The following BLTP3A variants were observed in gnomAD, a reference collection of about 807,000 sequenced individuals.
BLTP3A encodes ICBP90 binding protein 1.
the BLTP3A span, among the ~76,000 whole-genome samples, chr6:34,827,886 C>T: frequency 6.6e-6 from 1 of 152,148 alleles, no homozygotes; most frequent in Admixed American, 6.6e-5. Flanking sequence ...CCCGCCTTGG[C>T]CTCCCAAAGT....
chr6:34,871,023 G>A, the BLTP3A span: 18 of 1,614,082 alleles, frequency 1.1e-5, no homozygotes, highest in African/African-American at 2.4e-4. Flanking sequence ...TCACTTCAGT[G>A]CTCAGTGGCC....
chr6:34,859,508 T>G, the BLTP3A span: 1 of 1,614,130 alleles, frequency 6.2e-7, no homozygotes, highest in Non-Finnish European at 8.5e-7. Flanking sequence ...AAGGATGCCT[T>G]CAGTTTGGGC....
At chr6:34,856,310 G>A in the BLTP3A span, 36 of 1,614,050 alleles carry the variant, frequency 2.2e-5, no homozygotes, top group East Asian at 4.5e-5. Flanking sequence ...CCAGAAGCTG[G>A]TGATGGAATT....
At chr6:34,871,170 G>A in the BLTP3A span, 3 of 1,558,982 alleles carry the variant, frequency 1.9e-6, no homozygotes, top group Admixed American at 3.8e-5. Context: ...TTTTTGCCCT[G>A]GACTTTGTCA....
chr6:34,857,240 G>A, the BLTP3A span: 1 of 1,468,678 alleles, frequency 6.8e-7, no homozygotes, highest in Non-Finnish European at 9.3e-7. Context: ...ACTTCAGAGG[G>A]ATGGTAGAGG....
the BLTP3A span, chr6:34,870,954 C>G: frequency 3.9e-5 from 63 of 1,614,166 alleles, no homozygotes; most frequent in East Asian, 3.3e-4. Context: ...TTCATTCCCC[C>G]CTGGCCTCAC....
At chr6:34,854,025 T>C in the BLTP3A span, among the ~76,000 whole-genome samples, 2 of 152,082 alleles carry the variant, frequency 1.3e-5, no homozygotes, top group African/African-American at 4.8e-5. Flanking sequence ...AGTTCGAGAC[T>C]AGCCCGACCA....
the BLTP3A span, chr6:34,859,367 G>C: frequency 6.2e-7 from 1 of 1,614,122 alleles, no homozygotes; most frequent in South Asian, 1.1e-5. Flanking sequence ...GCTGTGAATG[G>C]ACAGGGTGAG....
the BLTP3A span, among the ~76,000 whole-genome samples, chr6:34,830,105 G>A: frequency 3.7e-4 from 56 of 151,888 alleles, no homozygotes; most frequent in African/African-American, 1.3e-3. Flanking sequence ...GAGCTACCGC[G>A]CCTGGCCTCC....
At chr6:34,872,365 T>C in the BLTP3A span, 3 of 1,613,150 alleles carry the variant, frequency 1.9e-6, no homozygotes, top group Non-Finnish European at 2.5e-6. Context: ...AAACAAGCCT[T>C]GGCCAATGCC....
chr6:34,822,849 C>CG, the BLTP3A span, among the ~76,000 whole-genome samples: 4 of 141,378 alleles, frequency 2.8e-5, no homozygotes, highest in African/African-American at 5.4e-5. Flanking sequence ...GACTCTGTTT[C>CG]GGGAAAAAAA....
the BLTP3A span, among the ~76,000 whole-genome samples, chr6:34,866,711 A>G: frequency 6.6e-6 from 1 of 151,982 alleles, no homozygotes; most frequent in Non-Finnish European, 1.5e-5. Flanking sequence ...CGAAACAGAA[A>G]CTCTGTACTC....
chr6:34,843,861 A>G, the BLTP3A span, among the ~76,000 whole-genome samples: 2 of 152,140 alleles, frequency 1.3e-5, no homozygotes, highest in Admixed American at 6.5e-5. Flanking sequence ...ATTCCCACCA[A>G]CAGTGTCCAG....
the BLTP3A span, chr6:34,871,944 A>G: frequency 1.1e-5 from 17 of 1,609,468 alleles, no homozygotes; most frequent in Non-Finnish European, 1.4e-5. Context: ...CTAACAGAAC[A>G]GTAGCTGCCC....
chr6:34,871,462 C>T, the BLTP3A span: 5 of 956,218 alleles, frequency 5.2e-6, no homozygotes, highest in Non-Finnish European at 8.0e-6. Context: ...CCTCTTATAC[C>T]TTCCAAGAAT....
At chr6:34,800,063 G>T in the BLTP3A span, among the ~76,000 whole-genome samples, 1 of 151,540 alleles carries the variant, frequency 6.6e-6, no homozygotes, top group Non-Finnish European at 1.5e-5. Flanking sequence ...AACCAAAGTT[G>T]TTCCTATTTA....
the BLTP3A span, among the ~76,000 whole-genome samples, chr6:34,828,744 C>A: frequency 2.0e-5 from 3 of 151,784 alleles, no homozygotes; most frequent in Non-Finnish European, 4.4e-5. Context: ...ACCAAAGAAG[C>A]TGGCTGGGTA....
the BLTP3A span, among the ~76,000 whole-genome samples, chr6:34,850,632 A>G: frequency 2.0e-5 from 3 of 152,084 alleles, no homozygotes; most frequent in Non-Finnish European, 4.4e-5. Flanking sequence ...TACTGGGTCA[A>G]TTCTGCTTTT....
chr6:34,793,733 G>A, the BLTP3A span, among the ~76,000 whole-genome samples: 2 of 152,066 alleles, frequency 1.3e-5, no homozygotes, highest in Middle Eastern at 3.4e-3. Context: ...ATAGTATTTG[G>A]GGCATGACCA....
Sources: gnomAD v4.1 joint callset for allele counts (sites outside exome capture counted in the v4.1 genomes callset) on GRCh38, gnomAD v4.1.1 for gene constraint, MANE v1.5 for transcripts, NCBI Gene and HGNC (gene_info 2026-07-23, HGNC 2026-07-21) for gene names.